The following PCDHGB1 variants were observed in gnomAD, a reference collection of about 807,000 sequenced individuals.
PCDHGB1 encodes protocadherin gamma subfamily B, 1, also known as protocadherin gamma-B1.
Under a neutral mutation model 56.6 loss-of-function variants are expected in PCDHGB1, and 34 were observed. That is an observed-to-expected ratio of 0.60 (90% CI 0.46 to 0.80). PCDHGB1 has a LOEUF of 0.80. Ranked by LOEUF, PCDHGB1 falls within the 30% of genes least tolerant of loss-of-function variation. The pLI is 0.00. For missense variants in PCDHGB1, 1,278 were observed against 1,204.6 expected, an observed-to-expected ratio of 1.06 and a Z score of -0.90; for synonymous variants, 561 against 505.9, an observed-to-expected ratio of 1.11 and a Z score of -1.46.
At chr5:141,400,189 C>G (rs376855933) in intron 1 of PCDHGB1, 2 of 1,614,056 alleles carry the variant, frequency 1.2e-6, no homozygotes, top group Non-Finnish European at 1.7e-6. Flanking sequence ...GCAGTTTTAC[C>G]TAGTGGTGGC....
intron 1 of PCDHGB1, chr5:141,409,471 A>G (rs2095271616): frequency 1.2e-6 from 2 of 1,613,860 alleles, no homozygotes; most frequent in Non-Finnish European, 1.7e-6. Flanking sequence ...TCACCATCGT[A>G]GCCACTGACA....
chr5:141,432,934 G>A lies in PCDHGB1; in HGVS notation c.2410-61873G>A. The stretch of plus-strand genomic sequence containing the variant: ...GGCGCTGGCACAAGTCACGCCTGCT[G>A]CAGGCTTCAGGAGGCGGCTTGACAG... On this transcript the variant is annotated intron_variant, in intron 1 of 3. Transcript: ENST00000523390. This position sits in a 1 kb window ranked among gnomAD's most constrained non-coding sequence, Gnocchi z 6.0. 1.9e-6 allele frequency: 3 copies of A among 1,614,196 alleles called. No individual in the cohort carries two copies. Among genetic ancestry groups the A allele is most frequent in the Non-Finnish European group, 2.5e-6 (3 of 1,180,040 alleles).
intron 1 of PCDHGB1, among the ~76,000 whole-genome samples, chr5:141,480,339 T>A (rs764049837): frequency 1.3e-4 from 20 of 152,010 alleles, no homozygotes; most frequent in Non-Finnish European, 2.4e-4. Context: ...TGCTTGAGCC[T>A]GGGAGGTTGA....
intron 1 of PCDHGB1, among the ~76,000 whole-genome samples, chr5:141,457,005 A>T (rs2098903361): frequency 6.6e-6 from 1 of 152,146 alleles, no homozygotes; most frequent in Admixed American, 6.5e-5. Flanking sequence ...TGCATTACTA[A>T]ATCCAATAAA....
At chr5:141,433,208 CTTT>C (rs745329085) in intron 1 of PCDHGB1, 6 of 1,292,918 alleles carry the variant, frequency 4.6e-6, no homozygotes, top group East Asian at 2.6e-5. Flanking sequence ...AATCTTCTTT[CTTT>C]TTTTTTTTTA....
Position 141,489,322 on chromosome 5 carries a change from T to C in PCDHGB1, c.2410-5485T>C. The C allele has an allele frequency of 6.2e-7, 1 of 1,601,052 alleles. No individual in the cohort carries two copies. Among genetic ancestry groups the C allele is most frequent in the Non-Finnish European group, 8.5e-7 (1 of 1,172,658 alleles). ...GTCCTTGTGCTGCTGGGGCTGGGTGTCTGGGCAGCTTCGTTACTCAGTGGT... is the reference window on the plus strand; with the variant it reads ...GTCCTTGTGCTGCTGGGGCTGGGTGCCTGGGCAGCTTCGTTACTCAGTGGT... On this transcript the variant is annotated intron_variant, in intron 1 of 3. Coordinates refer to ENST00000523390, the MANE Select transcript of PCDHGB1 (RefSeq NM_018922.3). The surrounding 1 kb of genome is among the most constrained non-coding windows in gnomAD (Gnocchi z 4.5).
At chr5:141,392,885 G>C in intron 1 of PCDHGB1, 1 of 1,613,654 alleles carries the variant, frequency 6.2e-7, no homozygotes, top group Non-Finnish European at 8.5e-7. Flanking sequence ...GAACGCTGTG[G>C]GAAATCGGGA....
chr5:141,351,494 G>T lies in PCDHGB1; in HGVS notation c.1234G>T (p.Ala412Ser), dbSNP rs1022210735. The change falls in exon 1 of 4, where the codon GCA becomes TCA. Residue 412 changes from alanine (A) to serine (S), a missense_variant. Physicochemically the swap from Ala to Ser is moderately conservative, Grantham distance 99. Transcript: ENST00000523390. ...TGGAGCCCTAAACCGGGAGCAGACA[G>T]CAGACTACAACGTCACAATCATAGC... ...IAGALNREQT[A>S]DYNVTIIATD... 2 of 1,613,868 alleles carry T rather than the reference G, an allele frequency of 1.2e-6. No homozygotes were observed. The highest frequency in any genetic ancestry group is 2.7e-5 in the African/African-American group (2 of 74,934).
At chr5:141,374,646 G>C in intron 1 of PCDHGB1, 4 of 1,612,728 alleles carry the variant, frequency 2.5e-6, no homozygotes, top group Non-Finnish European at 3.4e-6. Flanking sequence ...GAAGCCCATG[G>C]GCCCAAGTAC....
intron 1 of PCDHGB1, chr5:141,421,501 G>T: frequency 6.2e-7 from 1 of 1,614,094 alleles, no homozygotes; most frequent in Non-Finnish European, 8.5e-7. Context: ...AGGCAGGATA[G>T]ACCGGGAGGA....
chr5:141,385,171 T>C, intron 1 of PCDHGB1: 1 of 1,614,170 alleles, frequency 6.2e-7, no homozygotes, highest in South Asian at 1.1e-5. Context: ...CCATGAGGTC[T>C]CCCTCACCGC....
At chr5:141,465,768 C>T (rs1414064889) in intron 1 of PCDHGB1, among the ~76,000 whole-genome samples, 1 of 151,916 alleles carries the variant, frequency 6.6e-6, no homozygotes, top group Non-Finnish European at 1.5e-5. Flanking sequence ...CATGTTTCAT[C>T]TCTTGTTACA....
At chr5:141,509,094 T>C (rs1038935185) in intron 3 of PCDHGB1, among the ~76,000 whole-genome samples, 4 of 152,152 alleles carry the variant, frequency 2.6e-5, no homozygotes, top group African/African-American at 9.7e-5. Context: ...AAATGGGGGC[T>C]GTAGAAACCT....
rs370335375 is a variant in PCDHGB1 at position 141,351,298 on chromosome 5, G to A, written c.1038G>A (p.Met346Ile). 1.9e-6 allele frequency: 3 copies of A among 1,613,822 alleles called. No individual in the cohort carries two copies. Among genetic ancestry groups the A allele is most frequent in the Non-Finnish European group, 2.5e-6 (3 of 1,179,836 alleles). ...ENDNAPEVTF[M>I]SFSNQIPEDS... is the part of the protein sequence containing the mutation. ...ACAATGCCCCAGAGGTGACATTCAT[G>A]TCCTTCTCTAACCAGATTCCAGAGG... The change falls in exon 1 of 4, where the codon ATG becomes ATA. Residue 346 changes from methionine (M) to isoleucine (I), a missense_variant. Coordinates refer to ENST00000523390, the MANE Select transcript of PCDHGB1 (RefSeq NM_018922.3).
chr5:141,383,287 G>A (rs753501762), intron 1 of PCDHGB1: 2 of 1,613,798 alleles, frequency 1.2e-6, no homozygotes, highest in South Asian at 2.2e-5. Context: ...TAATGACAAC[G>A]TTCCAAGATT....
chr5:141,490,196 A>G lies in PCDHGB1; in HGVS notation c.2410-4611A>G, dbSNP rs748858034. On this transcript the variant is annotated intron_variant, in intron 1 of 3. Coordinates refer to ENST00000523390, the MANE Select transcript of PCDHGB1 (RefSeq NM_018922.3). The surrounding 1 kb of genome is among the most constrained non-coding windows in gnomAD (Gnocchi z 5.4). ...GAGGAGTCACGTTTCTATGAAATTCATGCAAGAGCCCGTGACCAGGGACAG... is the reference window on the plus strand; with the variant it reads ...GAGGAGTCACGTTTCTATGAAATTCGTGCAAGAGCCCGTGACCAGGGACAG... The G allele has an allele frequency of 3.7e-6, 6 of 1,614,196 alleles. No individual in the cohort carries two copies. The highest frequency in any genetic ancestry group is 4.2e-6 in the Non-Finnish European group (5 of 1,180,020).
rs2099746956 is a variant in PCDHGB1 at position 141,493,207 on chromosome 5, A to C, written c.2410-1600A>C. Among the ~76,000 whole-genome samples, 1 of 152,152 alleles carries C rather than the reference A, an allele frequency of 6.6e-6. No individual in the cohort carries two copies. The highest frequency in any genetic ancestry group is 2.4e-5 in the African/African-American group (1 of 41,442). On this transcript the variant is annotated intron_variant, in intron 1 of 3. Coordinates refer to ENST00000523390, the MANE Select transcript of PCDHGB1 (RefSeq NM_018922.3). The surrounding 1 kb of genome is among the most constrained non-coding windows in gnomAD (Gnocchi z 4.3). ...ATAACTCCTTTGAGAACCTCATCTC[A>C]TTTGCTCTTCCCACCATTGCTGTTG...
At chr5:141,357,338 C>T (rs749392491) in intron 1 of PCDHGB1, 1 of 1,614,128 alleles carries the variant, frequency 6.2e-7, no homozygotes, top group Non-Finnish European at 8.5e-7. Context: ...GTGCTGCTAG[C>T]ACTCAAGCTG....
In PCDHGB1 at chr5:141,511,555, C is replaced by T; in HGVS notation, c.*382C>T. 1 of 305,302 alleles carries T rather than the reference C, an allele frequency of 3.3e-6. No individual in the cohort carries two copies. Among genetic ancestry groups the T allele is most frequent in the South Asian group, 3.6e-5 (1 of 28,078 alleles). 18.9% of individuals were successfully genotyped at this position (305,302 alleles called of 1,614,324 possible). ...CCTCCCCACCCCACTCCAACAGTTC[C>T]TCTTTCCCGAGTAAGGTGGTTGGGG... On this transcript the variant is annotated 3_prime_UTR_variant, in exon 4 of 4. Coordinates refer to ENST00000523390, the MANE Select transcript of PCDHGB1 (RefSeq NM_018922.3).
Sources: gnomAD v4.1 joint callset for allele counts (sites outside exome capture counted in the v4.1 genomes callset) on GRCh38, gnomAD v4.1.1 for gene constraint, Gnocchi (gnomAD v3.1) non-coding constraint, MANE v1.5 for transcripts, NCBI Gene and HGNC (gene_info 2026-07-23, HGNC 2026-07-21) for gene names.